Variants in C1QTNF3 observed in about 807,000 individuals in gnomAD.
C1QTNF3 encodes the protein C1q and TNF related 3.
C1QTNF3 carries 26 observed loss-of-function variants against 32.6 expected under a neutral mutation model. The observed-to-expected ratio is 0.80, with a 90% CI of 0.58 to 1.11. C1QTNF3 has a LOEUF of 1.11. Ranked by LOEUF, C1QTNF3 falls within the 50% of genes least tolerant of loss-of-function variation. The pLI is 0.00. For missense variants in C1QTNF3, 362 were observed against 398.2 expected (o/e 0.91, Z 0.77); for synonymous variants, 155 against 146.0 (o/e 1.06, Z -0.44).
chr5:34,163,863 CAAT>C, the C1QTNF3 span, among the ~76,000 whole-genome samples: 251 of 152,166 alleles, frequency 1.6e-3, 1 homozygote, highest in South Asian at 5.0e-3. Flanking sequence ...ATCCAAACAA[CAAT>C]GAGATGGTAT....
the C1QTNF3 span, among the ~76,000 whole-genome samples, chr5:34,061,983 C>T: frequency 1.3e-5 from 2 of 152,312 alleles, no homozygotes; most frequent in African/African-American, 4.8e-5. Flanking sequence ...CTTTTATGCT[C>T]TGCTTCTCTT....
At chr5:34,106,096 A>G in the C1QTNF3 span, 1 of 151,446 alleles carries the variant, frequency 6.6e-6, no homozygotes, top group Non-Finnish European at 1.5e-5. Context: ...ATTTTAATAG[A>G]TGATATTAGC....
At position 34,042,863 on chromosome 5, in the gene C1QTNF3, T is replaced by C; in HGVS notation, c.263A>G (p.Glu88Gly). 6.2e-7 allele frequency: 1 copy of C among 1,614,160 alleles called. No individual in the cohort carries two copies. Among genetic ancestry groups the C allele is most frequent in the African/African-American group, 1.3e-5 (1 of 75,034 alleles). Residue 88 changes from glutamate to glycine, a missense_variant, in exon 1 of 6, where the codon GAG becomes GGG. Glu to Gly is a moderately conservative substitution (Grantham distance 98). Coordinates refer to ENST00000382065, the MANE Select transcript of C1QTNF3 (RefSeq NM_181435.6). ...SLRPDELPHP[E>G]VDDLAQITTF... ...GGTGATCTGGGCTAGGTCATCTACCTCGGGGTGCGGTAGCTCATCTGGTCT... is the reference window on the plus strand; with the variant it reads ...GGTGATCTGGGCTAGGTCATCTACCCCGGGGTGCGGTAGCTCATCTGGTCT...
the C1QTNF3 span, among the ~76,000 whole-genome samples, chr5:34,074,823 A>C: frequency 6.6e-6 from 1 of 151,736 alleles, no homozygotes; most frequent in Non-Finnish European, 1.5e-5. Flanking sequence ...ATATTGAAAA[A>C]GAGAAAAGAG....
chr5:34,166,421 A>C, the C1QTNF3 span: 1 of 152,146 alleles, frequency 6.6e-6, no homozygotes, highest in Non-Finnish European at 1.5e-5. Flanking sequence ...AATGGAAAAA[A>C]AAACAAAAAA....
At chr5:34,164,295 G>A in the C1QTNF3 span, among the ~76,000 whole-genome samples, 5 of 152,206 alleles carry the variant, frequency 3.3e-5, no homozygotes, top group African/African-American at 4.8e-5. Context: ...TCAATGGTAC[G>A]AGATATTTTG....
chr5:34,045,293 C>G (rs1168889327), upstream of C1QTNF3, among the ~76,000 whole-genome samples: 1 of 152,118 alleles, frequency 6.6e-6, no homozygotes, highest in East Asian at 1.9e-4. Flanking sequence ...GGTTCTCAAC[C>G]CTGGCTGCAT....
At chr5:34,066,478 T>C in the C1QTNF3 span, among the ~76,000 whole-genome samples, 1 of 152,170 alleles carries the variant, frequency 6.6e-6, no homozygotes, top group Non-Finnish European at 1.5e-5. Flanking sequence ...TCAATTGCAA[T>C]GTGTGACTTA....
intron 3 of C1QTNF3, among the ~76,000 whole-genome samples, chr5:34,029,985 C>T (rs911044700): frequency 9.2e-5 from 14 of 151,798 alleles, no homozygotes; most frequent in Admixed American, 9.2e-4. Context: ...TATTTTTGGC[C>T]CAGAACTTTT....
chr5:34,145,760 A>G, the C1QTNF3 span, among the ~76,000 whole-genome samples: 1 of 152,022 alleles, frequency 6.6e-6, no homozygotes, highest in African/African-American at 2.4e-5. Flanking sequence ...ACTCAACAAA[A>G]TACTAGCATA....
the C1QTNF3 span, among the ~76,000 whole-genome samples, chr5:34,153,718 A>G: frequency 1.0e-5 from 1 of 95,458 alleles, no homozygotes; most frequent in Non-Finnish European, 2.1e-5. Context: ...GGGTCGGGGG[A>G]GGGGGGAGGG....
At chr5:34,062,925 C>T in the C1QTNF3 span, among the ~76,000 whole-genome samples, 1 of 152,182 alleles carries the variant, frequency 6.6e-6, no homozygotes, top group South Asian at 2.1e-4. Context: ...GAGGTTTCCT[C>T]TAAAGTTATT....
At chr5:34,044,259 AAC>A (rs745575490), upstream of C1QTNF3, among the ~76,000 whole-genome samples, 4 of 152,366 alleles carry the variant, frequency 2.6e-5, no homozygotes, top group South Asian at 4.1e-4. Context: ...AGAGAATTTA[AAC>A]AGTTTTGTCA....
chr5:34,087,666 C>CA, the C1QTNF3 span, among the ~76,000 whole-genome samples: 1 of 148,204 alleles, frequency 6.7e-6, no homozygotes, highest in South Asian at 2.1e-4. Flanking sequence ...TTGACCTCTC[C>CA]AGGCTCAAAT....
At chr5:34,238,957 T>C in the C1QTNF3 span, among the ~76,000 whole-genome samples, 1 of 152,126 alleles carries the variant, frequency 6.6e-6, no homozygotes, top group Admixed American at 6.5e-5. Flanking sequence ...AGCAAAAACC[T>C]TACAAGCCAG....
the C1QTNF3 span, among the ~76,000 whole-genome samples, chr5:34,157,047 A>G: frequency 0.59 from 90,292 of 152,034 alleles, 27,353 homozygotes; most frequent in Non-Finnish European, 0.64. Flanking sequence ...GAGTTTAGCC[A>G]TATCAATATA....
chr5:34,197,359 G>A, the C1QTNF3 span, among the ~76,000 whole-genome samples: 1 of 151,708 alleles, frequency 6.6e-6, no homozygotes, highest in African/African-American at 2.4e-5. Flanking sequence ...ACGATACAAG[G>A]GTAATATTAA....
At chr5:34,175,964 A>T in the C1QTNF3 span, 1 of 815,608 alleles carries the variant, frequency 1.2e-6, no homozygotes, top group Non-Finnish European at 2.2e-6. Context: ...GATCCTGGGA[A>T]TCAAGGCAAA....
At chr5:34,216,265 A>T in the C1QTNF3 span, among the ~76,000 whole-genome samples, 1 of 152,204 alleles carries the variant, frequency 6.6e-6, no homozygotes, top group African/African-American at 2.4e-5. Flanking sequence ...GTTGAACACC[A>T]GAAGGGGATA....
Sources: gnomAD v4.1 joint callset for allele counts (sites outside exome capture counted in the v4.1 genomes callset) on GRCh38, gnomAD v4.1.1 for gene constraint, MANE v1.5 for transcripts, NCBI Gene and HGNC (gene_info 2026-07-23, HGNC 2026-07-21) for gene names.